The following CACNB4 variants were observed in gnomAD, a reference collection of about 807,000 sequenced individuals.
CACNB4 encodes the protein voltage-dependent L-type calcium channel subunit beta-4.
Under a neutral mutation model 71.2 loss-of-function variants are expected in CACNB4, and 32 were observed. That is an observed-to-expected ratio of 0.45 (90% confidence interval 0.34 to 0.60). CACNB4 has a LOEUF of 0.60. CACNB4 is among the 20% of genes least tolerant of loss of function. The pLI is 0.01. For synonymous variants in CACNB4, 231 were observed against 236.9 expected (o/e 0.97, Z 0.23); for missense variants, 464 against 647.9 (o/e 0.72, Z 3.08).
At chr2:152,065,396 A>T (rs1686257545) in intron 2 of CACNB4, among the ~76,000 whole-genome samples, 1 of 152,044 alleles carries the variant, frequency 6.6e-6, no homozygotes, top group South Asian at 2.1e-4. Flanking sequence ...AGAAAAAAAA[A>T]AAAAAGAGAG....
At chr2:151,932,593 G>C (rs746099468) in intron 2 of CACNB4, among the ~76,000 whole-genome samples, 2 of 152,020 alleles carry the variant, frequency 1.3e-5, no homozygotes, top group Non-Finnish European at 1.5e-5. Context: ...CAGTCATTGG[G>C]GTGGGCTCTA....
At chr2:151,912,894 G>C (rs1186533958) in intron 2 of CACNB4, among the ~76,000 whole-genome samples, 1 of 150,358 alleles carries the variant, frequency 6.7e-6, no homozygotes, top group African/African-American at 2.5e-5. Flanking sequence ...AGCTCTTCTT[G>C]TTGAATTGTT....
chr2:151,846,087 C>A (rs1013344641), intron 12 of CACNB4, among the ~76,000 whole-genome samples: 2 of 152,188 alleles, frequency 1.3e-5, no homozygotes, highest in Non-Finnish European at 2.9e-5. Flanking sequence ...ATTTAACCAT[C>A]TGTTTGGTAC....
intron 2 of CACNB4, among the ~76,000 whole-genome samples, chr2:151,963,584 C>T (rs1160973799): frequency 6.6e-6 from 1 of 152,132 alleles, no homozygotes; most frequent in African/African-American, 2.4e-5. Flanking sequence ...TGAAGTCTTA[C>T]ATTTCAAGTT....
In CACNB4 at chr2:151,881,525, T is replaced by G. The variant is rs547230506; in HGVS notation, c.268-603A>C. 5.3e-5 allele frequency among the ~76,000 whole-genome samples: 8 copies of G among 152,336 alleles called. No individual in the cohort carries two copies. In the South Asian group the frequency reaches 1.7e-3, roughly 32 times the overall value. On this transcript the variant is annotated intron_variant, in intron 3 of 13. Coordinates refer to ENST00000539935, the MANE Select transcript of CACNB4 (RefSeq NM_000726.5). ...TTTACACAAATGCCTCTCAGCAAAG[T>G]GCTCTCAGGCTGGCACAGCACTGTG...
intron 2 of CACNB4, among the ~76,000 whole-genome samples, chr2:151,947,732 G>C (rs985936590): frequency 6.6e-6 from 1 of 152,146 alleles, no homozygotes; most frequent in Non-Finnish European, 1.5e-5. Context: ...TGCCTCTTCT[G>C]AGACCACCCA....
At chr2:152,045,266 C>T (rs865821480) in intron 2 of CACNB4, among the ~76,000 whole-genome samples, 1 of 152,134 alleles carries the variant, frequency 6.6e-6, no homozygotes, top group Non-Finnish European at 1.5e-5. Context: ...AAGGTAGAAA[C>T]AGTCCAAGTG....
chr2:151,988,555 T>C (rs1344700547), intron 2 of CACNB4, among the ~76,000 whole-genome samples: 1 of 152,158 alleles, frequency 6.6e-6, no homozygotes, highest in Non-Finnish European at 1.5e-5. Flanking sequence ...AATCAAGCAC[T>C]GAGTGGCTTA....
chr2:151,893,250 C>CT (rs200816473), intron 2 of CACNB4, among the ~76,000 whole-genome samples: 273 of 151,192 alleles, frequency 1.8e-3, no homozygotes, highest in African/African-American at 6.3e-3. Context: ...TATTTTATAT[C>CT]TTTTTTTTTG....
Position 152,040,324 on chromosome 2 carries a change from G to T in CACNB4, c.147+58006C>A, listed in dbSNP as rs537375576. Among the ~76,000 whole-genome samples the T allele has an allele frequency of 5.4e-4, 82 of 152,178 alleles. 1 individual carries two copies. The East Asian group carries it at 0.012, about 23-fold the overall frequency. On this transcript the variant is annotated intron_variant, in intron 2 of 13. Coordinates refer to ENST00000539935, the MANE Select transcript of CACNB4 (RefSeq NM_000726.5). ...TTATAAATATCTATCATTAAATCTGGCTCAGATAATAATTGAACCAAAGCA... is the reference window on the plus strand; with the variant it reads ...TTATAAATATCTATCATTAAATCTGTCTCAGATAATAATTGAACCAAAGCA...
chr2:152,022,527 A>C (rs1683726331), intron 2 of CACNB4, among the ~76,000 whole-genome samples: 1 of 152,252 alleles, frequency 6.6e-6, no homozygotes. Context: ...AAGTTGGACA[A>C]GAAGTGCAAT....
At chr2:151,963,869 A>T (rs2099870287) in intron 2 of CACNB4, among the ~76,000 whole-genome samples, 2 of 152,036 alleles carry the variant, frequency 1.3e-5, no homozygotes, top group African/African-American at 4.8e-5. Context: ...GGAGTTCGAG[A>T]CCAGCCTGGC....
At chr2:151,963,334 A>C (rs2099870155) in intron 2 of CACNB4, among the ~76,000 whole-genome samples, 1 of 150,070 alleles carries the variant, frequency 6.7e-6, no homozygotes, top group South Asian at 2.1e-4. Flanking sequence ...AAAAAAAAAA[A>C]TGTGAGGAAG....
At chr2:151,988,346 T>A (rs976773582) in intron 2 of CACNB4, among the ~76,000 whole-genome samples, 8 of 152,110 alleles carry the variant, frequency 5.3e-5, no homozygotes, top group Admixed American at 1.3e-4. Flanking sequence ...GCCTCCAATT[T>A]TACCTCATAC....
rs903765053 is a variant in CACNB4 at position 152,054,291 on chromosome 2, G to C, written c.147+44039C>G. Among the ~76,000 whole-genome samples, 4 of 148,430 alleles carry C rather than the reference G, an allele frequency of 2.7e-5. No homozygotes were observed. In the Admixed American group the frequency reaches 2.7e-4, roughly 10 times the overall value. ...TGAGGCAGGAGAATGGCGTGAACCCGGGAGGCGGAGCTTGCAGTGAGCCGA... is the reference window on the plus strand; with the variant it reads ...TGAGGCAGGAGAATGGCGTGAACCCCGGAGGCGGAGCTTGCAGTGAGCCGA... On this transcript the variant is annotated intron_variant, in intron 2 of 13. Transcript: ENST00000539935.
chr2:151,921,180 A>C (rs2099858918), intron 2 of CACNB4, among the ~76,000 whole-genome samples: 3 of 54,728 alleles, frequency 5.5e-5, no homozygotes, highest in Admixed American at 2.9e-4. Flanking sequence ...TAAATAAATA[A>C]ATAAGTTAAA....
At chr2:151,973,574 G>A (rs2099873177) in intron 2 of CACNB4, 1 of 1,133,486 alleles carries the variant, frequency 8.8e-7, no homozygotes, top group Admixed American at 1.9e-5. Context: ...CATGTTCCCT[G>A]CGTTGCCTAA....
chr2:152,050,442 G>C (rs1685362785), intron 2 of CACNB4, among the ~76,000 whole-genome samples: 1 of 152,200 alleles, frequency 6.6e-6, no homozygotes, highest in African/African-American at 2.4e-5. Context: ...CAAATGAAAA[G>C]AGACTTCCTG....
chr2:152,001,094 C>T (rs566475751), intron 2 of CACNB4, among the ~76,000 whole-genome samples: 12 of 152,318 alleles, frequency 7.9e-5, no homozygotes, highest in African/African-American at 2.6e-4. Flanking sequence ...TTAGGATTTC[C>T]ATTTTACAGA....
Sources: gnomAD v4.1 joint callset for allele counts (sites outside exome capture counted in the v4.1 genomes callset) on GRCh38, gnomAD v4.1.1 for gene constraint, MANE v1.5 for transcripts, NCBI Gene and HGNC (gene_info 2026-07-23, HGNC 2026-07-21) for gene names.